Variants in WWTR1 observed in about 807,000 individuals in gnomAD.
The protein encoded by WWTR1 is WW domain containing transcription regulator 1, also known as WW domain-containing transcription regulator protein 1.
In WWTR1, 13 loss-of-function variants were observed where a neutral mutation model predicts 40.1. That is an observed-to-expected ratio of 0.32 (90% CI 0.21 to 0.52). The LOEUF (loss-of-function observed/expected upper bound fraction) is 0.52. Among genes scored for constraint, WWTR1 ranks in the 20% least tolerant of loss-of-function variants. The pLI is 0.97. For missense variants in WWTR1, 436 were observed against 523.1 expected (o/e 0.83, Z 1.63); for synonymous variants, 230 against 210.1 (o/e 1.09, Z -0.82).
rs1014849681 is a variant in WWTR1, at chr3:149,519,377, T to G, written c.*1428A>C. The G allele has an allele frequency of 6.6e-6, 1 of 151,790 alleles. No individual in the cohort carries two copies. The highest frequency in any genetic ancestry group is 1.5e-5 in the Non-Finnish European group (1 of 67,912). 9.4% of individuals were successfully genotyped at this position (151,790 alleles called of 1,614,324 possible). A position where few individuals can be genotyped will look rare whatever the true frequency, so the allele number is the denominator to read the frequency against. ...TCCACCATACACCCTCAAAGGGCAT[T>G]TTTTTTTACATGTCAGTCAGAGATC... On this transcript the variant is annotated 3_prime_UTR_variant, in exon 7 of 7. Coordinates refer to ENST00000360632, the MANE Select transcript of WWTR1 (RefSeq NM_015472.6).
At chr3:149,678,676 T>C (rs565382842) in intron 1 of WWTR1, among the ~76,000 whole-genome samples, 26 of 152,256 alleles carry the variant, frequency 1.7e-4, no homozygotes, top group African/African-American at 6.3e-4. Context: ...GTTTGGAATT[T>C]CTCCCTCATC....
chr3:149,621,184 G>T (rs949053770), intron 2 of WWTR1, among the ~76,000 whole-genome samples: 20 of 152,238 alleles, frequency 1.3e-4, no homozygotes, highest in Non-Finnish European at 2.2e-4. Flanking sequence ...CAAAAAATAT[G>T]AACCCAACAG....
At chr3:149,567,193 C>CA (rs11446548) in intron 3 of WWTR1, among the ~76,000 whole-genome samples, 21,076 of 126,618 alleles carry the variant, frequency 0.17, 1,537 homozygotes, top group South Asian at 0.23. Context: ...ACCAAAAAGG[C>CA]AAAAAAAAAA....
At chr3:149,523,879 C>T (rs1256925235) in intron 6 of WWTR1, among the ~76,000 whole-genome samples, 1 of 152,208 alleles carries the variant, frequency 6.6e-6, no homozygotes. Flanking sequence ...CAGAGGTGGC[C>T]CCACACTCAA....
In WWTR1 at chr3:149,518,895, G is replaced by A. The variant is rs1734913064; in HGVS notation, c.*1910C>T. On this transcript the variant is annotated 3_prime_UTR_variant, in exon 7 of 7. Coordinates refer to ENST00000360632, the MANE Select transcript of WWTR1 (RefSeq NM_015472.6). The stretch of plus-strand genomic sequence containing the variant: ...CTTGTCTCTTTCCATTTCACAACTA[G>A]TATCCTTTCCACGATATTCCATAAC... 6.6e-6 allele frequency: 1 copy of A among 151,558 alleles called. No individual in the cohort carries two copies. Among genetic ancestry groups the A allele is most frequent in the Admixed American group, 6.6e-5 (1 of 15,154 alleles). The allele number at this position is 151,558 out of a possible 1,614,324, so 9.4% of individuals were successfully genotyped here. A position where few individuals can be genotyped will look rare whatever the true frequency, so the allele number is the denominator to read the frequency against.
At chr3:149,565,600 C>T (rs1025919832) in intron 3 of WWTR1, among the ~76,000 whole-genome samples, 5 of 152,112 alleles carry the variant, frequency 3.3e-5, no homozygotes, top group South Asian at 2.1e-4. Flanking sequence ...CCTTAAAAAC[C>T]GTAAAAGAAA....
intron 1 of WWTR1, among the ~76,000 whole-genome samples, chr3:149,685,890 A>G (rs1714630649): frequency 6.6e-6 from 1 of 152,346 alleles, no homozygotes; most frequent in Non-Finnish European, 1.5e-5. Context: ...AACTTGGGGT[A>G]CATTTAAATG....
At chr3:149,676,890 C>G (rs899152138) in intron 1 of WWTR1, among the ~76,000 whole-genome samples, 10 of 151,394 alleles carry the variant, frequency 6.6e-5, no homozygotes, top group Non-Finnish European at 7.4e-5. Flanking sequence ...CCACCATCCA[C>G]CCTCCTCAGT....
At chr3:149,647,244 C>T (rs1712582989) in intron 2 of WWTR1, among the ~76,000 whole-genome samples, 1 of 152,132 alleles carries the variant, frequency 6.6e-6, no homozygotes, top group Non-Finnish European at 1.5e-5. Context: ...CAGTAAATGC[C>T]TTTGTACTTA....
rs1457227351 is a variant in WWTR1 at position 149,572,961 on chromosome 3, C to A, written c.471G>T (p.Lys157Asn). Residue 157 changes from lysine to asparagine, a missense_variant, in exon 3 of 7, where the codon AAG (lysine) becomes AAT (asparagine). Transcript: ENST00000360632. ...TATGATTCAGAGGCTGATTCATCGC[C>A]TTCCTAGGGTCTTGCCATGTGGTGA... ...EKITTWQDPR[K>N]AMNQPLNHMN... 2 of 1,611,964 alleles carry A rather than the reference C, an allele frequency of 1.2e-6. No individual in the cohort carries two copies. The highest frequency in any genetic ancestry group is 1.7e-6 in the Non-Finnish European group (2 of 1,179,516).
chr3:149,721,778 G>C (rs577103477), intron 4 of WWTR1, among the ~76,000 whole-genome samples: 1 of 152,120 alleles, frequency 6.6e-6, no homozygotes, highest in African/African-American at 2.4e-5. Context: ...TGCCCAGGCT[G>C]GTCTTGAACT....
chr3:149,709,782 T>G (rs944337489), intron 5 of WWTR1, among the ~76,000 whole-genome samples: 6 of 152,124 alleles, frequency 3.9e-5, no homozygotes, highest in African/African-American at 1.4e-4. Flanking sequence ...AACATGCCTG[T>G]GATCCCAGCT....
chr3:149,668,006 A>C (rs1271059849), intron 2 of WWTR1, among the ~76,000 whole-genome samples: 1 of 152,222 alleles, frequency 6.6e-6, no homozygotes, highest in Non-Finnish European at 1.5e-5. Flanking sequence ...TGAAAGTGTC[A>C]GTCAAGGCTT....
intron 4 of WWTR1, among the ~76,000 whole-genome samples, chr3:149,529,781 C>T (rs1283422505): frequency 1.3e-5 from 2 of 152,156 alleles, no homozygotes; most frequent in African/African-American, 4.8e-5. Context: ...CAGTCCCCAT[C>T]CCTCAAGCAC....
At chr3:149,677,964 T>C (rs1027856480) in intron 1 of WWTR1, among the ~76,000 whole-genome samples, 21 of 151,508 alleles carry the variant, frequency 1.4e-4, no homozygotes, top group African/African-American at 5.1e-4. Flanking sequence ...GGAGACGGGG[T>C]TTCACCATGT....
intron 2 of WWTR1, chr3:149,649,086 G>C (rs1033473542): frequency 6.6e-6 from 1 of 152,274 alleles, no homozygotes; most frequent in Non-Finnish European, 1.5e-5. Flanking sequence ...TCTGCCTCCC[G>C]GATTCAAGCG....
intron 2 of WWTR1, among the ~76,000 whole-genome samples, chr3:149,581,747 CTTGT>C (rs377662215): frequency 6.6e-6 from 1 of 152,268 alleles, no homozygotes; most frequent in African/African-American, 2.4e-5. Context: ...GAAGTTTCCA[CTTGT>C]TTAAGTTAGC....
In WWTR1 at chr3:149,520,758, C is replaced by A; in HGVS notation, c.*47G>T. The A allele has an allele frequency of 6.8e-7, 1 of 1,461,466 alleles. No homozygotes were observed. Among genetic ancestry groups the A allele is most frequent in the East Asian group, 2.5e-5 (1 of 39,286 alleles). 90.5% of individuals were successfully genotyped at this position (1,461,466 alleles called of 1,614,324 possible). A position where few individuals can be genotyped will look rare whatever the true frequency, so the allele number is the denominator to read the frequency against. ...TGCTCCATCACTTTTTCCAAGAGGC[C>A]CAGGAAATGTAAGGTCATGGCTACA... On this transcript the variant is annotated 3_prime_UTR_variant, in exon 7 of 7. Coordinates refer to ENST00000360632, the MANE Select transcript of WWTR1 (RefSeq NM_015472.6).
At chr3:149,526,688 CTG>C (rs1320426545) in intron 5 of WWTR1, among the ~76,000 whole-genome samples, 2 of 152,294 alleles carry the variant, frequency 1.3e-5, no homozygotes, top group East Asian at 3.9e-4. Flanking sequence ...TTGTACTTCT[CTG>C]TGTTTCAAAT....
Sources: gnomAD v4.1 joint callset for allele counts (sites outside exome capture counted in the v4.1 genomes callset) on GRCh38, gnomAD v4.1.1 for gene constraint, MANE v1.5 for transcripts, NCBI Gene and HGNC (gene_info 2026-07-23, HGNC 2026-07-21) for gene names.